CGRRF1: variants seen among roughly 807,000 people sequenced by gnomAD.
CGRRF1 encodes the protein cell growth regulator with ring finger domain 1, also known as cell growth regulator with RING finger domain protein 1.
Under a neutral mutation model 37.2 loss-of-function variants are expected in CGRRF1, and 32 were observed. The ratio of observed to expected loss-of-function variants is 0.86; its 90% CI spans 0.65 to 1.16. CGRRF1 has a LOEUF of 1.16. Ranked by LOEUF, CGRRF1 falls within the 50% of genes most tolerant of loss-of-function variation. CGRRF1 has a pLI of 0.00. For synonymous variants in CGRRF1, 141 were observed against 140.3 expected, an observed-to-expected ratio of 1.00 and a Z score of -0.04; for missense variants, 391 against 382.6, an observed-to-expected ratio of 1.02 and a Z score of -0.18.
Position 54,530,110 on chromosome 14 carries a change from C to T in CGRRF1, c.306C>T (p.Cys102=), listed in dbSNP as rs1024599719. The change falls in exon 3 of 6, where the codon TGC becomes TGT. Residue 102 remains cysteine, a synonymous_variant. Transcript: ENST00000216420. ...GCCTCCTTACATGCTACTGGGGGTG[C>T]AGTGTTCAAAAATTATATGAAGCTC... The part of the protein sequence containing the change: ...EDSLLTCYWG[C]SVQKLYEALQ... 8.1e-6 allele frequency: 13 copies of T among 1,613,410 alleles called. No homozygotes were observed. The highest frequency in any genetic ancestry group is 1.1e-5 in the Non-Finnish European group (13 of 1,179,560).
chr14:54,516,166 T>G (rs1429903378), intron 1 of CGRRF1, among the ~76,000 whole-genome samples: 2 of 152,204 alleles, frequency 1.3e-5, no homozygotes, highest in Non-Finnish European at 2.9e-5. Context: ...CTCTAACTTA[T>G]CACCATCTAC....
intron 2 of CGRRF1, among the ~76,000 whole-genome samples, chr14:54,528,596 AC>A (rs2032456488): frequency 1.3e-5 from 2 of 152,068 alleles, no homozygotes; most frequent in Admixed American, 6.5e-5. Context: ...ATGTGGTTCT[AC>A]AGTGACAAAG....
intron 2 of CGRRF1, among the ~76,000 whole-genome samples, chr14:54,524,054 T>G (rs1158547373): frequency 6.6e-6 from 1 of 152,194 alleles, no homozygotes; most frequent in Non-Finnish European, 1.5e-5. Flanking sequence ...TACTCCTCAG[T>G]GCAGTGCAGT....
At chr14:54,528,614 A>C (rs746638481) in intron 2 of CGRRF1, among the ~76,000 whole-genome samples, 2 of 152,080 alleles carry the variant, frequency 1.3e-5, no homozygotes, top group Non-Finnish European at 2.9e-5. Flanking sequence ...AAAGGGAAAA[A>C]TATGTGTGAT....
At chr14:54,513,439 C>G (rs1377237277) in intron 1 of CGRRF1, among the ~76,000 whole-genome samples, 1 of 152,174 alleles carries the variant, frequency 6.6e-6, no homozygotes, top group Non-Finnish European at 1.5e-5. Context: ...TGACAGAAAG[C>G]AAATGACAAA....
At chr14:54,535,253 T>C (rs2032581322) in intron 4 of CGRRF1, among the ~76,000 whole-genome samples, 1 of 152,162 alleles carries the variant, frequency 6.6e-6, no homozygotes, top group African/African-American at 2.4e-5. Flanking sequence ...GTTCAGGTTC[T>C]AGTCTAGAGC....
At chr14:54,520,074 A>G (rs975518999) in intron 1 of CGRRF1, among the ~76,000 whole-genome samples, 3 of 152,162 alleles carry the variant, frequency 2.0e-5, no homozygotes, top group Non-Finnish European at 4.4e-5. Flanking sequence ...TTTTTGAAGT[A>G]ACATTTACAT....
At position 54,514,168 on chromosome 14, in the gene CGRRF1, C is replaced by T. The variant is rs116179593; in HGVS notation, c.104+4105C>T. On this transcript the variant is annotated intron_variant, in intron 1 of 5. Transcript: ENST00000216420. ...TGAGGCCCAGATCTCTGCATGTTGCCTAGTATAGGGACAAAATCTGATCTG... is the reference window on the plus strand; with the variant it reads ...TGAGGCCCAGATCTCTGCATGTTGCTTAGTATAGGGACAAAATCTGATCTG... Among the ~76,000 whole-genome samples, 1,322 of 152,242 alleles carry T rather than the reference C, an allele frequency of 8.7e-3. 15 individuals are homozygous for T. Among genetic ancestry groups the T allele is most frequent in the African/African-American group, 0.03 (1,258 of 41,546 alleles).
intron 2 of CGRRF1, among the ~76,000 whole-genome samples, chr14:54,528,960 C>T (rs1156474664): frequency 1.3e-5 from 2 of 152,094 alleles, no homozygotes; most frequent in African/African-American, 4.8e-5. Context: ...GTATCTTCTT[C>T]TAACATATAC....
chr14:54,512,806 C>T (rs2032150513), intron 1 of CGRRF1, among the ~76,000 whole-genome samples: 1 of 152,164 alleles, frequency 6.6e-6, no homozygotes, highest in Admixed American at 6.5e-5. Context: ...TTAAAGATAC[C>T]AGTATCCTTT....
intron 1 of CGRRF1, among the ~76,000 whole-genome samples, chr14:54,519,082 A>C (rs928142025): frequency 6.6e-6 from 1 of 152,078 alleles, no homozygotes. Flanking sequence ...AGCTGGGATT[A>C]CAGGCATGCA....
At chr14:54,534,375 G>A (rs1057072478) in intron 4 of CGRRF1, among the ~76,000 whole-genome samples, 1 of 152,006 alleles carries the variant, frequency 6.6e-6, no homozygotes, top group Non-Finnish European at 1.5e-5. Flanking sequence ...GACCCGCCTC[G>A]GCCTCCCAAA....
intron 1 of CGRRF1, among the ~76,000 whole-genome samples, chr14:54,512,899 T>C (rs2032153003): frequency 6.6e-6 from 1 of 152,230 alleles, no homozygotes; most frequent in Non-Finnish European, 1.5e-5. Context: ...CTCTTTTCTC[T>C]GTTCCCTTGT....
intron 2 of CGRRF1, among the ~76,000 whole-genome samples, chr14:54,528,206 CTT>C (rs758797153): frequency 1.4e-4 from 13 of 96,250 alleles, no homozygotes; most frequent in African/African-American, 1.1e-4. Context: ...TACCTCAATT[CTT>C]TTTTTTTTTT....
intron 2 of CGRRF1, among the ~76,000 whole-genome samples, chr14:54,524,420 C>T (rs1186117974): frequency 1.4e-5 from 2 of 145,636 alleles, no homozygotes; most frequent in African/African-American, 2.5e-5. Context: ...GGCTCTTGCT[C>T]TTCCACCCAG....
In CGRRF1 at chr14:54,522,562, G is replaced by A. The variant is rs910502702; in HGVS notation, c.213G>A (p.Glu71=). The A allele has an allele frequency of 1.2e-6, 2 of 1,600,118 alleles. No individual in the cohort carries two copies. The highest frequency in any genetic ancestry group is 1.4e-5 in the African/African-American group (1 of 73,980). The change falls in exon 2 of 6, where the codon GAG becomes GAA. Residue 71 remains glutamate, a synonymous_variant. Coordinates refer to ENST00000216420, the MANE Select transcript of CGRRF1 (RefSeq NM_006568.3). ...MRQVKNPFGL[E]ITNPSSASIT... is the part of the protein sequence containing the mutation. ...AAGTCAAGAATCCTTTTGGCTTAGAGATCACTAATCCATCTTCAGCTTCAA... is the reference window on the plus strand; with the variant it reads ...AAGTCAAGAATCCTTTTGGCTTAGAAATCACTAATCCATCTTCAGCTTCAA...
At chr14:54,512,842 TAG>T (rs1341595198) in intron 1 of CGRRF1, among the ~76,000 whole-genome samples, 9 of 152,216 alleles carry the variant, frequency 5.9e-5, no homozygotes, top group Non-Finnish European at 1.2e-4. Flanking sequence ...CTGAGCTCCA[TAG>T]AGTCTCTCCT....
rs1453219971 is a variant in CGRRF1 at position 54,530,121 on chromosome 14, A to AATTAT, written c.320_324dup (p.Glu109TyrfsTer14). ...TGCTACTGGGGGTGCAGTGTTCAAA[A>AATTAT]ATTATATGAAGCTCTGCAGAAGCAT... On this transcript the variant is annotated frameshift_variant, in exon 3 of 6. Transcript: ENST00000216420. LOFTEE classifies it high-confidence loss of function. 1.2e-6 allele frequency: 2 copies of AATTAT among 1,613,600 alleles called. No homozygotes were observed. Among genetic ancestry groups the AATTAT allele is most frequent in the Admixed American group, 1.7e-5 (1 of 59,968 alleles).
chr14:54,538,279 G>A lies in CGRRF1; in HGVS notation c.895G>A (p.Val299Met). 1 of 1,614,184 alleles carries A rather than the reference G, an allele frequency of 6.2e-7. No individual in the cohort carries two copies. The highest frequency in any genetic ancestry group is 8.5e-7 in the Non-Finnish European group (1 of 1,180,020). ...CRHTCLCDGC[V>M]KYFQQCPMCR... The stretch of plus-strand genomic sequence containing the variant: ...ACACACATGCCTGTGTGATGGCTGT[G>A]TGAAGTATTTTCAGCAGTGCCCAAT... The change falls in exon 6 of 6, where the codon GTG becomes ATG. Residue 299 changes from valine (V) to methionine (M), a missense_variant. Val to Met is a conservative substitution (Grantham distance 21). Coordinates refer to ENST00000216420, the MANE Select transcript of CGRRF1 (RefSeq NM_006568.3).
Sources: gnomAD v4.1 joint callset for allele counts (sites outside exome capture counted in the v4.1 genomes callset) on GRCh38, gnomAD v4.1.1 for gene constraint, MANE v1.5 for transcripts, NCBI Gene and HGNC (gene_info 2026-07-23, HGNC 2026-07-21) for gene names.